RRP1: variants seen among roughly 807,000 people sequenced by gnomAD.
RRP1 encodes the protein ribosomal RNA processing protein 1 homolog A.
A neutral mutation model predicts 54.6 loss-of-function variants in RRP1; 37 were observed. The observed-to-expected ratio is 0.68, with a 90% confidence interval of 0.52 to 0.89. The LOEUF is 0.89. Ranked by LOEUF, RRP1 falls within the 40% of genes least tolerant of loss-of-function variation. The probability of loss-of-function intolerance (pLI) is 0.00; values close to 1 mark genes in which losing one functional copy is unlikely to be tolerated. For missense variants in RRP1, 639 were observed against 612.5 expected (o/e 1.04, Z -0.46); for synonymous variants, 262 against 244.3 (o/e 1.07, Z -0.67).
chr21:43,801,797 G>A (rs529403116), intron 11 of RRP1, among the ~76,000 whole-genome samples: 19 of 152,320 alleles, frequency 1.2e-4, no homozygotes, highest in African/African-American at 4.6e-4. Context: ...GAGCATTGTA[G>A]GCTGTAGACT....
chr21:43,793,274 C>A, intron 3 of RRP1, 45 bp from the exon 4 acceptor site: 1 of 1,577,186 alleles, frequency 6.3e-7, no homozygotes, highest in Non-Finnish European at 8.7e-7. Flanking sequence ...CCCAGAGTGG[C>A]TTCGTGCTCC....
chr21:43,793,445 G>A (rs777053332), intron 4 of RRP1, 41 bp downstream of exon 4: 8 of 1,554,646 alleles, frequency 5.1e-6, no homozygotes, highest in Middle Eastern at 1.8e-4. Context: ...GGGGCAGCGC[G>A]GGTCTCAGTG....
Position 43,792,951 on chromosome 21 carries a change from T to C in RRP1, c.274+222T>C, listed in dbSNP as rs555827521. On this transcript the variant is annotated intron_variant, in intron 3 of 12. Coordinates refer to ENST00000497547, the MANE Select transcript of RRP1 (RefSeq NM_003683.6). Reference sequence around the variant, plus strand: ...TTACCCAAAACCCTCATTTCGAGCCTAATGGGCTAATATCTTACACTTTAA... The same window carrying C: ...TTACCCAAAACCCTCATTTCGAGCCCAATGGGCTAATATCTTACACTTTAA... 13 of 586,744 alleles carry C rather than the reference T, an allele frequency of 2.2e-5. No individual in the cohort carries two copies. In the Admixed American group the frequency reaches 2.5e-4, roughly 11 times the overall value. 36.3% of individuals were successfully genotyped at this position (586,744 alleles called of 1,614,324 possible). A position where few individuals can be genotyped will look rare whatever the true frequency, so the allele number is the denominator to read the frequency against.
At chr21:43,792,469 T>G (rs906388878) in intron 2 of RRP1, among the ~76,000 whole-genome samples, 47 of 152,144 alleles carry the variant, frequency 3.1e-4, no homozygotes, top group African/African-American at 1.1e-3. Flanking sequence ...CTCCCGTGGT[T>G]GTGTGAGAGC....
intron 5 of RRP1, among the ~76,000 whole-genome samples, chr21:43,795,912 C>T (rs1476127437): frequency 1.3e-5 from 2 of 152,154 alleles, no homozygotes; most frequent in African/African-American, 2.4e-5. Context: ...GAGGCCGAGG[C>T]GGGCAGATCA....
chr21:43,797,222 C>T (rs2085028264), intron 5 of RRP1, 200 bp from the exon 6 acceptor site: 1 of 782,596 alleles, frequency 1.3e-6, no homozygotes, highest in Non-Finnish European at 1.9e-6. Flanking sequence ...AACTCCCTAA[C>T]TGCAAGACTG....
chr21:43,802,212 C>G (rs772577902), intron 11 of RRP1, 62 bp from the exon 12 acceptor site: 1 of 1,210,340 alleles, frequency 8.3e-7, no homozygotes, highest in Admixed American at 1.8e-5. Flanking sequence ...CTGGAAGCAG[C>G]GAGCCTCAAA....
intron 2 of RRP1, among the ~76,000 whole-genome samples, chr21:43,791,933 TTGAC>T (rs2084964121): frequency 6.6e-6 from 1 of 152,188 alleles, no homozygotes; most frequent in African/African-American, 2.4e-5. Context: ...GTTGATGTGA[TTGAC>T]TGAGCCGTGC....
intron 4 of RRP1, 149 bp downstream of exon 4, chr21:43,793,553 G>A (rs912275557): frequency 3.3e-5 from 21 of 642,022 alleles, no homozygotes; most frequent in Middle Eastern, 8.4e-4. Context: ...GACTCTGGGC[G>A]GTCCCTGACC....
rs766831586 is a variant in RRP1 at position 43,803,560 on chromosome 21, G to A, written c.1172G>A (p.Ser391Asn). The A allele has an allele frequency of 1.9e-6, 3 of 1,556,664 alleles. No individual in the cohort carries two copies. In the African/African-American group the frequency reaches 4.1e-5, roughly 21 times the overall value. ...AGCCCGGGCATGGAGAGGAAGAGGA[G>A]CAGGAGGAGGGGTGTAGGGGCCGAC... ...PPSPGMERKR[S>N]RRRGVGADPE... The change falls in exon 13 of 13, where the codon AGC (serine) becomes AAC (asparagine). Residue 391 changes from serine to asparagine, a missense_variant. Ser to Asn is a conservative substitution (Grantham distance 46). Coordinates refer to ENST00000497547, the MANE Select transcript of RRP1 (RefSeq NM_003683.6).
At chr21:43,800,989 A>G in intron 11 of RRP1, 108 bp downstream of exon 11, 2 of 1,197,678 alleles carry the variant, frequency 1.7e-6, no homozygotes, top group African/African-American at 1.5e-5. Context: ...GTCTCTTTGC[A>G]GAGAGGCCTG....
rs1263195112 is a variant in RRP1, at chr21:43,797,903, T to C, written c.618-4T>C. On this transcript the variant is annotated splice_polypyrimidine_tract_variant and splice_region_variant and intron_variant, in intron 7 of 12. Transcript: ENST00000497547. Reference sequence around the variant, plus strand: ...TGCTCACCGGCCTCTGCTCTGCCCCTCAGTTCCTTGGTTTTGAACAACATC... The same window carrying C: ...TGCTCACCGGCCTCTGCTCTGCCCCCCAGTTCCTTGGTTTTGAACAACATC... 2.5e-6 allele frequency: 4 copies of C among 1,612,672 alleles called. No individual in the cohort carries two copies. In the Admixed American group the frequency reaches 6.7e-5, roughly 27 times the overall value.
chr21:43,792,859 G>C (rs1187333192), intron 3 of RRP1, 130 bp downstream of exon 3: 5 of 934,946 alleles, frequency 5.3e-6, no homozygotes, highest in Non-Finnish European at 8.5e-6. Flanking sequence ...GAGAGCGCCA[G>C]CTGGTGTCTG....
chr21:43,800,505 CTT>C lies in RRP1; in HGVS notation c.892-9_892-8del, dbSNP rs966264608. ...CTGACCTTGCCTCTGTGACGTCTCT[CTT>C]TTGAAACAGTTTGACTACGAGGCAG... On this transcript the variant is annotated splice_polypyrimidine_tract_variant and intron_variant, in intron 9 of 12. Coordinates refer to ENST00000497547, the MANE Select transcript of RRP1 (RefSeq NM_003683.6). 2.5e-6 allele frequency: 4 copies of C among 1,613,846 alleles called. No individual in the cohort carries two copies. In the African/African-American group the frequency reaches 4.0e-5, roughly 16 times the overall value.
At chr21:43,793,042 A>AG (rs2084976647) in intron 3 of RRP1, 1 of 552,258 alleles carries the variant, frequency 1.8e-6, no homozygotes, top group Non-Finnish European at 3.2e-6. Flanking sequence ...GATGGTCCTG[A>AG]GGTTCCTGCA....
In RRP1 at chr21:43,803,675, G is replaced by A; in HGVS notation, c.1287G>A (p.Gly429=). The change falls in exon 13 of 13, where the codon GGG becomes GGA. Residue 429 remains glycine, a synonymous_variant. Coordinates refer to ENST00000497547, the MANE Select transcript of RRP1 (RefSeq NM_003683.6). ...AGCCCAGGGGCCGTGGCCAGAGAGGGGCTCGCCAGAGAAGGAGGACACCTC... is the reference window on the plus strand; with the variant it reads ...AGCCCAGGGGCCGTGGCCAGAGAGGAGCTCGCCAGAGAAGGAGGACACCTC... ...RDQPRGRGQR[G]ARQRRRTPRP... 6.4e-7 allele frequency: 1 copy of A among 1,552,096 alleles called. No individual in the cohort carries two copies. The highest frequency in any genetic ancestry group is 1.2e-5 in the South Asian group (1 of 84,190).
chr21:43,800,465 G>A (rs375765470), intron 9 of RRP1, 52 bp from the exon 10 acceptor site: 96 of 1,567,910 alleles, frequency 6.1e-5, no homozygotes, highest in Non-Finnish European at 7.7e-5. Context: ...CGTTCTCGGA[G>A]CACGCAGAGC....
chr21:43,793,559 T>A, intron 4 of RRP1, 155 bp downstream of exon 4: 1 of 624,580 alleles, frequency 1.6e-6, no homozygotes, highest in Non-Finnish European at 2.8e-6. Flanking sequence ...GGGCGGTCCC[T>A]GACCAGGGCT....
At chr21:43,791,553 A>G in intron 2 of RRP1, 121 bp downstream of exon 2, 1 of 866,798 alleles carries the variant, frequency 1.2e-6, no homozygotes, top group Non-Finnish European at 1.8e-6. Flanking sequence ...CCCAGGCTGG[A>G]GTGCAGTGGC....
Sources: gnomAD v4.1 joint callset for allele counts (sites outside exome capture counted in the v4.1 genomes callset) on GRCh38, gnomAD v4.1.1 for gene constraint, MANE v1.5 for transcripts, NCBI Gene and HGNC (gene_info 2026-07-23, HGNC 2026-07-21) for gene names.